Variants in DLG2 observed in about 807,000 individuals in gnomAD.
DLG2 encodes discs large MAGUK scaffold protein 2.
Under a neutral mutation model 132.5 loss-of-function variants are expected in DLG2, and 45 were observed. The observed-to-expected ratio is 0.34, with a 90% confidence interval of 0.27 to 0.44. DLG2 has a LOEUF of 0.44. Ranked by LOEUF, DLG2 falls within the 20% of genes least tolerant of loss-of-function variation. The pLI, the probability that DLG2 is intolerant of heterozygous loss-of-function variation, is 1.00. For synonymous variants in DLG2, 424 were observed against 419.6 expected, an observed-to-expected ratio of 1.01 and a Z score of -0.13; for missense variants, 1,045 against 1,196.9, an observed-to-expected ratio of 0.87 and a Z score of 1.87.
At chr11:84,585,208 C>T (rs962540795) in intron 6 of DLG2, among the ~76,000 whole-genome samples, 1 of 151,848 alleles carries the variant, frequency 6.6e-6, no homozygotes, top group Admixed American at 6.6e-5. Context: ...ATATAATTGT[C>T]CCAGCACTAT....
At chr11:84,821,351 C>T (rs2077654066) in intron 6 of DLG2, among the ~76,000 whole-genome samples, 1 of 151,534 alleles carries the variant, frequency 6.6e-6, no homozygotes, top group South Asian at 2.1e-4. Flanking sequence ...CTTTCTGGGC[C>T]CTATGTCTCC....
At chr11:83,516,919 T>TG (rs148587892) in intron 21 of DLG2, among the ~76,000 whole-genome samples, 54,260 of 151,996 alleles carry the variant, frequency 0.36, 9,744 homozygotes, top group Middle Eastern at 0.46. Context: ...GGCTTCCCTT[T>TG]TGGGTAACCT....
intron 8 of DLG2, among the ~76,000 whole-genome samples, chr11:84,225,725 A>G (rs964097168): frequency 2.0e-5 from 3 of 152,166 alleles, no homozygotes; most frequent in Non-Finnish European, 4.4e-5. Flanking sequence ...CATACCATTA[A>G]TCACACTCTA....
Position 83,458,050 on chromosome 11 carries a change from T to C in DLG2, c.*1768A>G, listed in dbSNP as rs2089278719. ...TTACTGTGAAGAAGCCCCATCACTC[T>C]GATGGCTCTATCTCTTGCTCTCCTA... On this transcript the variant is annotated 3_prime_UTR_variant, in exon 28 of 28. Coordinates refer to ENST00000376104, the MANE Select transcript of DLG2 (RefSeq NM_001142699.3). 6.5e-6 allele frequency: 1 copy of C among 152,678 alleles called. No homozygotes were observed. Among genetic ancestry groups the C allele is most frequent in the South Asian group, 2.1e-4 (1 of 4,824 alleles). The allele number at this position is 152,678 out of a possible 1,614,324, so 9.5% of individuals were successfully genotyped here.
At chr11:84,707,140 C>T (rs538155045) in intron 6 of DLG2, among the ~76,000 whole-genome samples, 13 of 151,740 alleles carry the variant, frequency 8.6e-5, no homozygotes, top group African/African-American at 3.1e-4. Context: ...AAAAATTGGC[C>T]AGACCTAGCA....
chr11:83,977,474 A>T (rs2092375965), intron 12 of DLG2, among the ~76,000 whole-genome samples: 1 of 152,090 alleles, frequency 6.6e-6, no homozygotes. Context: ...AGGCATGAAT[A>T]TATTCAACCT....
chr11:84,504,225 C>A (rs889105860), intron 7 of DLG2, among the ~76,000 whole-genome samples: 4 of 152,088 alleles, frequency 2.6e-5, no homozygotes, highest in African/African-American at 7.2e-5. Flanking sequence ...TTTTTTTTGA[C>A]ATTTAAGCCC....
chr11:84,233,058 AAAAAACG>A (rs2097113892), intron 8 of DLG2, among the ~76,000 whole-genome samples: 1 of 152,164 alleles, frequency 6.6e-6, no homozygotes, highest in East Asian at 1.9e-4. Context: ...TTCCTTAGCT[AAAAAACG>A]ATAGCTTCCT....
At chr11:85,524,018 G>T (rs1010925476) in intron 3 of DLG2, among the ~76,000 whole-genome samples, 1 of 152,140 alleles carries the variant, frequency 6.6e-6, no homozygotes, top group African/African-American at 2.4e-5. Context: ...TTTATTTTTG[G>T]CAGCTAAAAA....
intron 4 of DLG2, among the ~76,000 whole-genome samples, chr11:85,182,613 G>A (rs1215531151): frequency 2.0e-5 from 3 of 151,382 alleles, no homozygotes; most frequent in African/African-American, 4.8e-5. Context: ...AAGAGAAATG[G>A]GGTGGGGTAG....
chr11:84,198,035 T>G (rs1269634737), intron 8 of DLG2, among the ~76,000 whole-genome samples: 1 of 152,206 alleles, frequency 6.6e-6, no homozygotes, highest in Non-Finnish European at 1.5e-5. Flanking sequence ...CATAATGATC[T>G]AGGAAAGTCA....
intron 3 of DLG2, among the ~76,000 whole-genome samples, chr11:85,491,527 CA>C (rs1051598910): frequency 6.6e-6 from 1 of 151,560 alleles, no homozygotes; most frequent in South Asian, 2.1e-4. Context: ...CTAACCACAT[CA>C]AAAAAAACTA....
At chr11:84,028,893 G>C (rs1386020536) in intron 11 of DLG2, among the ~76,000 whole-genome samples, 1 of 152,010 alleles carries the variant, frequency 6.6e-6, no homozygotes, top group Non-Finnish European at 1.5e-5. Context: ...AGTAGGGTGT[G>C]AGCCTCTTGA....
chr11:84,765,603 A>G (rs1222203795), intron 6 of DLG2, among the ~76,000 whole-genome samples: 1 of 152,116 alleles, frequency 6.6e-6, no homozygotes, highest in Non-Finnish European at 1.5e-5. Context: ...TACTTGAGCC[A>G]GAACAGATAT....
intron 6 of DLG2, among the ~76,000 whole-genome samples, chr11:84,734,951 C>T (rs921968284): frequency 7.9e-5 from 12 of 152,002 alleles, no homozygotes; most frequent in East Asian, 1.9e-4. Context: ...TATTGATTTG[C>T]GTATGTTGAA....
intron 3 of DLG2, among the ~76,000 whole-genome samples, chr11:85,434,644 T>C (rs2091379577): frequency 6.6e-6 from 1 of 152,120 alleles, no homozygotes; most frequent in East Asian, 1.9e-4. Flanking sequence ...AATCCCTGAA[T>C]AGACCAATAA....
intron 6 of DLG2, among the ~76,000 whole-genome samples, chr11:85,050,476 C>G (rs547567754): frequency 6.6e-6 from 1 of 151,988 alleles, no homozygotes; most frequent in African/African-American, 2.4e-5. Context: ...GTTTCACTAC[C>G]GTAAATGCAG....
intron 6 of DLG2, among the ~76,000 whole-genome samples, chr11:84,851,421 T>A (rs1481740867): frequency 1.3e-5 from 2 of 152,098 alleles, no homozygotes; most frequent in Non-Finnish European, 2.9e-5. Flanking sequence ...TTCTCTCAGT[T>A]CCTATTAACT....
At chr11:83,524,268 G>A (rs753754173) in intron 21 of DLG2, among the ~76,000 whole-genome samples, 70 of 152,014 alleles carry the variant, frequency 4.6e-4, no homozygotes, top group Non-Finnish European at 9.1e-4. Flanking sequence ...TCTCAAATTA[G>A]TAGCATGCCT....
Sources: allele counts gnomAD v4.1 joint callset (sites outside exome capture counted in the v4.1 genomes callset), GRCh38; gene constraint gnomAD v4.1.1; transcripts MANE v1.5; gene names NCBI Gene and HGNC (gene_info 2026-07-23, HGNC 2026-07-21).